CACNA1C: variants seen among roughly 807,000 people sequenced by gnomAD.
CACNA1C encodes calcium voltage-gated channel subunit alpha1 C.
In CACNA1C, 30 loss-of-function variants were observed where a neutral mutation model predicts 229.0. That is an observed-to-expected ratio of 0.13 (90% CI 0.10 to 0.18). The LOEUF (loss-of-function observed/expected upper bound fraction) is 0.18. Ranked by LOEUF, CACNA1C falls within the 10% of genes least tolerant of loss-of-function variation. CACNA1C has a pLI of 1.00. For missense variants in CACNA1C, 1,658 were observed against 2,845.0 expected (o/e 0.58, Z 9.49); for synonymous variants, 1,114 against 1,132.5 (o/e 0.98, Z 0.33).
rs2097791013 is a variant in CACNA1C, at chr12:2,207,720, AGGATGATTACTT to A, written c.477+87293_477+87304del. 2.6e-5 allele frequency among the ~76,000 whole-genome samples: 4 copies of A among 152,286 alleles called. No homozygotes were observed. The South Asian group carries it at 8.3e-4, about 32-fold the overall frequency. ...TCTCATTTATTCTGGAGGCTGACAC[AGGATGATTACTT>A]GGGCCCAGGAAGTTGAGGCTGCAGT... On this transcript the variant is annotated intron_variant, in intron 3 of 46. Coordinates refer to ENST00000399655, the MANE Select transcript of CACNA1C (RefSeq NM_000719.7).
At position 2,285,408 on chromosome 12, in the gene CACNA1C, A is replaced by G. The variant is rs1209313982; in HGVS notation, c.478-163568A>G. ...ATTTAACAACATACCACTGGCTGGA[A>G]CCACTTGTGAAGGTGACGTAGGGCT... On this transcript the variant is annotated intron_variant, in intron 3 of 46. Transcript: ENST00000399655. This position sits in a 1 kb window ranked among gnomAD's most constrained non-coding sequence, Gnocchi z 4.2. 1.3e-5 allele frequency among the ~76,000 whole-genome samples: 2 copies of G among 152,184 alleles called. No individual in the cohort carries two copies. The highest frequency in any genetic ancestry group is 1.3e-4 in the Admixed American group (2 of 15,282).
intron 9 of CACNA1C, among the ~76,000 whole-genome samples, chr12:2,521,062 T>C (rs2099808822): frequency 6.6e-6 from 1 of 152,232 alleles, no homozygotes; most frequent in Non-Finnish European, 1.5e-5. Context: ...GCCAAAACGA[T>C]AACCTTGATA....
rs2099664586 is a variant in CACNA1C, at chr12:2,479,849, C to T, written c.758-6255C>T. On this transcript the variant is annotated intron_variant, in intron 5 of 46. Coordinates refer to ENST00000399655, the MANE Select transcript of CACNA1C (RefSeq NM_000719.7). This position sits in a 1 kb window ranked among gnomAD's most constrained non-coding sequence, Gnocchi z 4.3. ...GACTCGCCATTTCTTTTCATCCAGG[C>T]TTTCCGTATTGGCAGAATCTCACAT... Among the ~76,000 whole-genome samples, 1 of 152,202 alleles carries T rather than the reference C, an allele frequency of 6.6e-6. No homozygotes were observed. Among genetic ancestry groups the T allele is most frequent in the Non-Finnish European group, 1.5e-5 (1 of 68,052 alleles).
intron 3 of CACNA1C, among the ~76,000 whole-genome samples, chr12:2,138,530 G>A (rs537502401): frequency 1.9e-4 from 28 of 151,322 alleles, no homozygotes; most frequent in African/African-American, 6.8e-4. Flanking sequence ...GTGTGGCTCC[G>A]AGTCCCACTT....
intron 3 of CACNA1C, among the ~76,000 whole-genome samples, chr12:2,421,126 C>A (rs1005034302): frequency 4.6e-5 from 7 of 152,144 alleles, no homozygotes; most frequent in African/African-American, 1.4e-4. Flanking sequence ...TACTTCCAAC[C>A]CAAACGTGCA....
In CACNA1C at chr12:2,385,208, CT is replaced by C. The variant is rs373570263; in HGVS notation, c.478-63767del. ...GTGTGATGGAATCAGAGTCTCCATG[CT>C]GGAAGAGACTTCAGAGGGATCTGCT... On this transcript the variant is annotated intron_variant, in intron 3 of 46. Coordinates refer to ENST00000399655, the MANE Select transcript of CACNA1C (RefSeq NM_000719.7). 4.9e-4 allele frequency among the ~76,000 whole-genome samples: 75 copies of C among 152,284 alleles called. No homozygotes were observed. The South Asian group carries it at 0.015, about 30-fold the overall frequency.
At chr12:2,673,636 G>C (rs116805461) in intron 38 of CACNA1C, among the ~76,000 whole-genome samples, 5,405 of 152,210 alleles carry the variant, frequency 0.036, 268 homozygotes, top group African/African-American at 0.12. Flanking sequence ...TTCATTTGTT[G>C]CAATTGTAGG....
In CACNA1C at chr12:2,649,610, C is replaced by T. The variant is rs1464406404; in HGVS notation, c.3945+1103C>T. On this transcript the variant is annotated intron_variant, in intron 31 of 46. Transcript: ENST00000399655. This position sits in a 1 kb window ranked among gnomAD's most constrained non-coding sequence, Gnocchi z 4.4. Reference sequence around the variant, plus strand: ...CTTCTCGAGCAGCATTAGGAAACTGCAGCCACAGGGGAGGGCTCTGAACAG... The same window carrying T: ...CTTCTCGAGCAGCATTAGGAAACTGTAGCCACAGGGGAGGGCTCTGAACAG... Among the ~76,000 whole-genome samples, 1 of 152,154 alleles carries T rather than the reference C, an allele frequency of 6.6e-6. No homozygotes were observed. Among genetic ancestry groups the T allele is most frequent in the African/African-American group, 2.4e-5 (1 of 41,438 alleles).
chr12:2,099,374 C>T (rs1253648113), intron 1 of CACNA1C, among the ~76,000 whole-genome samples: 1 of 152,110 alleles, frequency 6.6e-6, no homozygotes, highest in African/African-American at 2.4e-5. Flanking sequence ...GTTGAGACGG[C>T]TGCCGAGAGG....
At chr12:2,417,964 G>A (rs1222157838) in intron 3 of CACNA1C, among the ~76,000 whole-genome samples, 3 of 152,132 alleles carry the variant, frequency 2.0e-5, no homozygotes, top group Admixed American at 1.3e-4. Flanking sequence ...GCTGGGCTCA[G>A]CAGGGACTTC....
At chr12:2,241,346 G>C (rs1220672846) in intron 3 of CACNA1C, among the ~76,000 whole-genome samples, 1 of 152,070 alleles carries the variant, frequency 6.6e-6, no homozygotes, top group African/African-American at 2.4e-5. Context: ...ATTTGCCCAA[G>C]GTCACGTGAA....
chr12:2,319,387 G>C lies in CACNA1C; in HGVS notation c.478-129589G>C, dbSNP rs137856834. ...GTAGGCAGCGTACCTGATGGGTGGC[G>C]TACATGGGCAGCGTACATGATGGCC... On this transcript the variant is annotated intron_variant, in intron 3 of 46. Transcript: ENST00000399655. This position sits in a 1 kb window ranked among gnomAD's most constrained non-coding sequence, Gnocchi z 4.0. Among the ~76,000 whole-genome samples, 1 of 152,018 alleles carries C rather than the reference G, an allele frequency of 6.6e-6. No homozygotes were observed. Among genetic ancestry groups the C allele is most frequent in the African/African-American group, 2.4e-5 (1 of 41,354 alleles).
chr12:2,128,787 T>C (rs1354716946), intron 3 of CACNA1C, among the ~76,000 whole-genome samples: 1 of 152,230 alleles, frequency 6.6e-6, no homozygotes, highest in Non-Finnish European at 1.5e-5. Flanking sequence ...CTTCACACCA[T>C]GTGCAGATGC....
chr12:2,053,203 G>GCCCGGCCCCGCGCA lies in CACNA1C; in HGVS notation c.-357_-356insGGCCCCGCGCACCC, dbSNP rs2052820831. Reference sequence around the variant, plus strand: ...CTGCCGGCCCAGGCGGGCCCCGCGCGCCCCCCGCCCCTCCTCTCCGCCTCT... The same window carrying GCCCGGCCCCGCGCA: ...CTGCCGGCCCAGGCGGGCCCCGCGCGCCCGGCCCCGCGCACCCCCCGCCCCTCCTCTCCGCCTCT... On this transcript the variant is annotated 5_prime_UTR_variant, in exon 1 of 47. Transcript: ENST00000399655. The surrounding 1 kb of genome is among the most constrained non-coding windows in gnomAD (Gnocchi z 5.8). 39 of 1,000,784 alleles carry GCCCGGCCCCGCGCA rather than the reference G, an allele frequency of 3.9e-5. No individual in the cohort carries two copies. The highest frequency in any genetic ancestry group is 4.6e-5 in the Non-Finnish European group (39 of 840,404). The allele number at this position is 1,000,784 out of a possible 1,614,324, so 62.0% of individuals were successfully genotyped here. A position where few individuals can be genotyped will look rare whatever the true frequency, so the allele number is the denominator to read the frequency against.
intron 1 of CACNA1C, among the ~76,000 whole-genome samples, chr12:1,974,319 C>T (rs73597529): frequency 0.16 from 25,084 of 152,080 alleles, 2,134 homozygotes; most frequent in East Asian, 0.21. Flanking sequence ...CTCATATCAC[C>T]GCTTTTGTTC....
intron 3 of CACNA1C, among the ~76,000 whole-genome samples, chr12:2,315,579 T>C (rs566482611): frequency 2.4e-4 from 36 of 152,268 alleles, no homozygotes; most frequent in African/African-American, 8.7e-4. Context: ...AAGGCAGGTG[T>C]TGTACGCCCC....
Position 2,004,525 on chromosome 12 carries a change from G to C in CACNA1C, c.139+33324G>C, listed in dbSNP as rs556351898. 5 of 1,501,098 alleles carry C rather than the reference G, an allele frequency of 3.3e-6. No homozygotes were observed. The East Asian group carries it at 1.2e-4, about 35-fold the overall frequency. 93.0% of individuals were successfully genotyped at this position (1,501,098 alleles called of 1,614,324 possible). On this transcript the variant is annotated intron_variant, in intron 1 of 46. Coordinates refer to the CACNA1C transcript ENST00000682462. ...AGCTGCCTCGCAACCGAGAACCCAC[G>C]GCGACCACACGGCCCGGGAGGCCTT...
At chr12:2,690,742 A>AT (rs1569298808) in intron 46 of CACNA1C, 158 bp from the exon 47 acceptor site, 20 of 680,922 alleles carry the variant, frequency 2.9e-5, no homozygotes, top group Non-Finnish European at 4.5e-5. Flanking sequence ...CTTGTTCCCC[A>AT]TGGGTGCCCC....
Position 2,677,716 on chromosome 12 carries a change from C to T in CACNA1C, c.4957-17C>T. 1 of 1,610,702 alleles carries T rather than the reference C, an allele frequency of 6.2e-7. No homozygotes were observed. The highest frequency in any genetic ancestry group is 8.5e-7 in the Non-Finnish European group (1 of 1,178,688). On this transcript the variant is annotated splice_polypyrimidine_tract_variant and intron_variant, in intron 40 of 46. Coordinates refer to ENST00000399655, the MANE Select transcript of CACNA1C (RefSeq NM_000719.7). The surrounding 1 kb of genome is among the most constrained non-coding windows in gnomAD (Gnocchi z 7.4). ...GAAAGGGAGCGTGGTCCTCACCATCCTCCCCTTGGATTCCAGGCTGGCTTG... is the reference window on the plus strand; with the variant it reads ...GAAAGGGAGCGTGGTCCTCACCATCTTCCCCTTGGATTCCAGGCTGGCTTG...
Sources: allele counts gnomAD v4.1 joint callset (sites outside exome capture counted in the v4.1 genomes callset), GRCh38; gene constraint gnomAD v4.1.1; non-coding constraint Gnocchi (gnomAD v3.1); transcripts MANE v1.5; gene names NCBI Gene and HGNC (gene_info 2026-07-23, HGNC 2026-07-21).